Variants in EPB41L2 observed in about 807,000 individuals in gnomAD.
EPB41L2 encodes erythrocyte membrane protein band 4.1 like 2, also known as band 4.1-like protein 2.
Under a neutral mutation model 113.0 loss-of-function variants are expected in EPB41L2, and 43 were observed. The ratio of observed to expected loss-of-function variants is 0.38; its 90% CI spans 0.30 to 0.49. EPB41L2 has a LOEUF of 0.49. EPB41L2 is among the 20% of genes least tolerant of loss of function. The pLI is 0.95. For missense variants in EPB41L2, 1,147 were observed against 1,223.4 expected, an observed-to-expected ratio of 0.94 and a Z score of 0.93; for synonymous variants, 442 against 436.7, an observed-to-expected ratio of 1.01 and a Z score of -0.15.
chr6:131,017,881 A>G (rs1788590876), intron 1 of EPB41L2, among the ~76,000 whole-genome samples: 1 of 152,214 alleles, frequency 6.6e-6, no homozygotes, highest in South Asian at 2.1e-4. Context: ...CCTAACTACT[A>G]GTGAGACTCA....
intron 19 of EPB41L2, among the ~76,000 whole-genome samples, chr6:130,849,449 A>G (rs895807508): frequency 7.2e-5 from 11 of 152,318 alleles, no homozygotes; most frequent in African/African-American, 2.6e-4. Flanking sequence ...TTTGTGACTA[A>G]GAGGTTAATA....
chr6:130,884,024 T>G (rs1264449351), intron 12 of EPB41L2, among the ~76,000 whole-genome samples: 1 of 152,140 alleles, frequency 6.6e-6, no homozygotes, highest in Admixed American at 6.5e-5. Context: ...TTAAAAATTT[T>G]CAAAGTTAAA....
intron 1 of EPB41L2, among the ~76,000 whole-genome samples, chr6:130,980,834 C>T (rs1031464645): frequency 9.9e-5 from 15 of 152,120 alleles, no homozygotes; most frequent in Admixed American, 1.3e-4. Flanking sequence ...TTGAAACAAC[C>T]AACATGCTTT....
intron 1 of EPB41L2, among the ~76,000 whole-genome samples, chr6:131,038,015 T>C (rs971145035): frequency 2.0e-5 from 3 of 152,240 alleles, no homozygotes; most frequent in African/African-American, 4.8e-5. Context: ...CTTGTGTATA[T>C]ACATACAAAA....
At chr6:130,979,367 C>T (rs1313209411) in intron 1 of EPB41L2, among the ~76,000 whole-genome samples, 4 of 151,718 alleles carry the variant, frequency 2.6e-5, no homozygotes, top group African/African-American at 4.8e-5. Context: ...AAGTGGCACA[C>T]GCCTGTAATC....
chr6:130,850,874 C>A (rs961469081), intron 19 of EPB41L2, among the ~76,000 whole-genome samples: 1 of 152,178 alleles, frequency 6.6e-6, no homozygotes, highest in Admixed American at 6.5e-5. Context: ...TAGATTGTAA[C>A]TGACTCATTG....
At position 130,956,491 on chromosome 6, in the gene EPB41L2, C is replaced by T; in HGVS notation, c.-6G>A. Reference sequence around the variant, plus strand: ...GAGCCTACTTCAGTAGTCATGGCCACAGCTTATGCTGTAATCAAAACAAAA... The same window carrying T: ...GAGCCTACTTCAGTAGTCATGGCCATAGCTTATGCTGTAATCAAAACAAAA... On this transcript the variant is annotated 5_prime_UTR_variant, in exon 2 of 20. In the 5' UTR this introduces an upstream ATG that the reference lacks. Coordinates refer to ENST00000337057, the MANE Select transcript of EPB41L2 (RefSeq NM_001431.4). The T allele has an allele frequency of 1.2e-6, 2 of 1,600,338 alleles. No homozygotes were observed. The highest frequency in any genetic ancestry group is 1.7e-6 in the Non-Finnish European group (2 of 1,175,090).
chr6:130,897,282 C>G (rs560265334), intron 8 of EPB41L2, among the ~76,000 whole-genome samples: 2 of 152,022 alleles, frequency 1.3e-5, no homozygotes, highest in African/African-American at 4.8e-5. Context: ...CTTTAAACGA[C>G]ATGAAATATG....
intron 1 of EPB41L2, among the ~76,000 whole-genome samples, chr6:130,994,456 T>C (rs1192682527): frequency 3.3e-5 from 5 of 152,012 alleles, no homozygotes; most frequent in Admixed American, 6.6e-5. Flanking sequence ...CACTGACACA[T>C]AGGCTAGATA....
chr6:130,880,361 T>C, intron 12 of EPB41L2, 155 bp from the exon 13 acceptor site: 1 of 624,484 alleles, frequency 1.6e-6, no homozygotes. Context: ...CAAACACAAC[T>C]CACAAATAAA....
At chr6:130,926,993 G>C (rs1337390399) in intron 3 of EPB41L2, among the ~76,000 whole-genome samples, 1 of 152,146 alleles carries the variant, frequency 6.6e-6, no homozygotes, top group Non-Finnish European at 1.5e-5. Flanking sequence ...AATGTTAGCT[G>C]TTCATTTTCT....
intron 1 of EPB41L2, among the ~76,000 whole-genome samples, chr6:131,026,395 ACCC>A (rs1790874303): frequency 6.6e-6 from 1 of 151,962 alleles, no homozygotes; most frequent in South Asian, 2.1e-4. Flanking sequence ...TCTAATTCAT[ACCC>A]TCCCATCTCC....
intron 1 of EPB41L2, among the ~76,000 whole-genome samples, chr6:131,020,470 C>T (rs1789201550): frequency 6.6e-6 from 1 of 152,154 alleles, no homozygotes; most frequent in South Asian, 2.1e-4. Flanking sequence ...TGCAAGTCTA[C>T]CTTTTACATC....
intron 1 of EPB41L2, among the ~76,000 whole-genome samples, chr6:131,057,702 CT>C (rs2128206554): frequency 6.6e-6 from 1 of 152,274 alleles, no homozygotes; most frequent in South Asian, 2.1e-4. Context: ...AAAAAGGCAA[CT>C]GAAGGGTAAC....
At chr6:131,005,457 T>A (rs1785272244) in intron 1 of EPB41L2, among the ~76,000 whole-genome samples, 1 of 152,236 alleles carries the variant, frequency 6.6e-6, no homozygotes, top group Admixed American at 6.5e-5. Flanking sequence ...GTTCAACCAA[T>A]ACCTCTGGGC....
At chr6:130,963,046 C>T (rs934767541) in intron 1 of EPB41L2, among the ~76,000 whole-genome samples, 8 of 152,130 alleles carry the variant, frequency 5.3e-5, no homozygotes, top group African/African-American at 1.9e-4. Flanking sequence ...GAAGAATAAG[C>T]CTGATGACAC....
Position 130,858,154 on chromosome 6 carries a change from A to T in EPB41L2, c.3000T>A (p.Ala1000=). ...ACCTTACTTAATCTTCCCCTTCCTC[A>T]GCCAACTCTGTTTCTTTGTGTACCA... The part of the protein sequence containing the change: ...RVVVHKETEL[A]EEGED The change falls in exon 19 of 20, where the codon GCT becomes GCA. Residue 1000 remains alanine, a synonymous_variant. Transcript: ENST00000337057. 3 of 1,613,948 alleles carry T rather than the reference A, an allele frequency of 1.9e-6. No individual in the cohort carries two copies. The highest frequency in any genetic ancestry group is 2.5e-6 in the Non-Finnish European group (3 of 1,179,860).
intron 1 of EPB41L2, among the ~76,000 whole-genome samples, chr6:131,022,613 T>C (rs1422007946): frequency 6.6e-6 from 1 of 152,180 alleles, no homozygotes; most frequent in Non-Finnish European, 1.5e-5. Flanking sequence ...AAATAACTGA[T>C]AGCACCTATG....
In EPB41L2 at chr6:130,968,809, A is replaced by AT. The variant is rs1252090362; in HGVS notation, c.-14-12311dup. On this transcript the variant is annotated intron_variant, in intron 1 of 19. Transcript: ENST00000337057. ...CAGAACTACTTAGCAAGAACTTCAAATAACTATTTTTAGGTGGTGGTGGCT... is the reference window on the plus strand; with the variant it reads ...CAGAACTACTTAGCAAGAACTTCAAATTAACTATTTTTAGGTGGTGGTGGCT... 2.0e-5 allele frequency among the ~76,000 whole-genome samples: 3 copies of AT among 152,194 alleles called. No individual in the cohort carries two copies. In the East Asian group the frequency reaches 5.8e-4, roughly 29 times the overall value.
Sources: allele counts gnomAD v4.1 joint callset (sites outside exome capture counted in the v4.1 genomes callset), GRCh38; gene constraint gnomAD v4.1.1; transcripts MANE v1.5; gene names NCBI Gene and HGNC (gene_info 2026-07-23, HGNC 2026-07-21).